The following DGKA variants were observed in gnomAD, a reference collection of about 807,000 sequenced individuals.
DGKA encodes 80 kDa diacylglycerol kinase.
In DGKA, 35 loss-of-function variants were observed where a neutral mutation model predicts 105.0. The observed-to-expected ratio is 0.33, with a 90% CI of 0.25 to 0.44. DGKA has a LOEUF of 0.44. DGKA is among the 20% of genes least tolerant of loss of function. The probability of loss-of-function intolerance (pLI) is 1.00; values close to 1 mark genes in which losing one functional copy is unlikely to be tolerated. For missense variants in DGKA, 665 were observed against 915.0 expected (o/e 0.73, Z 3.53); for synonymous variants, 296 against 332.0 (o/e 0.89, Z 1.18).
chr12:55,927,909 G>C, upstream of DGKA: 7 of 1,032,240 alleles, frequency 6.8e-6, 2 homozygotes, highest in South Asian at 1.2e-4. Flanking sequence ...CCTCGGGCTG[G>C]GCCCTAGGGT....
At chr12:55,941,664 G>C in intron 15 of DGKA, 80 bp downstream of exon 15, 1 of 1,436,790 alleles carries the variant, frequency 7.0e-7, no homozygotes, top group Non-Finnish European at 9.8e-7. Flanking sequence ...GCAGGAAAGA[G>C]TGCAGATTGG....
At chr12:55,938,844 AT>A (rs1885308302) in intron 6 of DGKA, 70 bp from the exon 7 acceptor site, 1 of 1,594,502 alleles carries the variant, frequency 6.3e-7, no homozygotes, top group African/African-American at 1.3e-5. Context: ...AGGAACACTG[AT>A]TTCTGGAAAA....
At position 55,944,241 on chromosome 12, in the gene DGKA, A is replaced by G. The variant is rs113089836; in HGVS notation, c.1426+1978A>G. Among the ~76,000 whole-genome samples the G allele has an allele frequency of 4.3e-3, 653 of 152,280 alleles. 4 individuals are homozygous for G. Among genetic ancestry groups the G allele is most frequent in the African/African-American group, 0.015 (630 of 41,554 alleles). On this transcript the variant is annotated intron_variant, in intron 17 of 23. Transcript: ENST00000331886. ...CTTGAGCCCAGGAGTTTCAGGCTGC[A>G]ATGAGCTATGATTGGGCCACTGCAC...
In DGKA at chr12:55,937,057, G is replaced by C; in HGVS notation, c.105G>C (p.Glu35Asp). Residue 35 changes from glutamate to aspartate, a missense_variant, in exon 3 of 24, where the codon GAG becomes GAC. Glu to Asp is a conservative substitution (Grantham distance 45). Transcript: ENST00000331886. Reference protein sequence around the residue: ...KKVSDVLKLFEDGEMAKYVQG... With the variant: ...KKVSDVLKLFDDGEMAKYVQG... ...TCAGTGATGTCCTAAAGCTCTTCGA[G>C]GATGGCGAGATGGCTAAATATGTCC... 1 of 1,614,130 alleles carries C rather than the reference G, an allele frequency of 6.2e-7. No individual in the cohort carries two copies. The highest frequency in any genetic ancestry group is 8.5e-7 in the Non-Finnish European group (1 of 1,180,022).
At chr12:55,945,793 AT>A (rs34210000) in intron 17 of DGKA, among the ~76,000 whole-genome samples, 2,507 of 140,142 alleles carry the variant, frequency 0.018, 55 homozygotes, top group African/African-American at 0.053. Context: ...CAAAATCCTC[AT>A]TTTTTTTTTT....
rs755372080 is a variant in DGKA, at chr12:55,936,822, T to C, written c.65-195T>C. ...CCCACCTTCGCTATACCTGGACTGC[T>C]TGCTCCAGCTCTCAGAGAAGAGGAG... is the stretch of plus-strand genomic sequence containing the variant. On this transcript the variant is annotated intron_variant, in intron 2 of 23. Coordinates refer to ENST00000331886, the MANE Select transcript of DGKA (RefSeq NM_001345.5). 9 of 797,576 alleles carry C rather than the reference T, an allele frequency of 1.1e-5. No individual in the cohort carries two copies. In the Admixed American group the frequency reaches 1.5e-4, roughly 14 times the overall value. 49.4% of individuals were successfully genotyped at this position (797,576 alleles called of 1,614,324 possible).
chr12:55,953,541 T>C, intron 23 of DGKA, 131 bp downstream of exon 23: 2 of 1,339,586 alleles, frequency 1.5e-6, no homozygotes, highest in Non-Finnish European at 2.1e-6. Context: ...TAAACCCTGA[T>C]TTCTCAGCCC....
At chr12:55,938,141 C>T (rs1488604663) in intron 5 of DGKA, 89 bp downstream of exon 5, 4 of 1,250,524 alleles carry the variant, frequency 3.2e-6, no homozygotes, top group Non-Finnish European at 4.6e-6. Flanking sequence ...CTTCAGGATT[C>T]CTAAAGGCTG....
Position 55,940,440 on chromosome 12 carries a change from T to G in DGKA, c.918+7T>G. On this transcript the variant is annotated splice_region_variant and intron_variant, in intron 11 of 23. Coordinates refer to ENST00000331886, the MANE Select transcript of DGKA (RefSeq NM_001345.5). This position sits in a 1 kb window ranked among gnomAD's most constrained non-coding sequence, Gnocchi z 4.3. ...TGTATGGTGCCACCTAGAGGTCAGT[T>G]TGGGAGCCATCCCTTCTGGGTGCGT... is the stretch of plus-strand genomic sequence containing the variant. The G allele has an allele frequency of 1.2e-6, 2 of 1,613,882 alleles. No individual in the cohort carries two copies. Among genetic ancestry groups the G allele is most frequent in the Non-Finnish European group, 1.7e-6 (2 of 1,179,900 alleles).
rs1565746950 is a variant in DGKA, at chr12:55,941,999, C to A, written c.1252C>A (p.Leu418Ile). ...TATTCTCTCTCCCCTTTGTCTCAGG[C>A]TCCGATTATTCAAGGATGTTCCTGA... The part of the protein sequence containing the change: ...NLLKDGPEIG[L>I]RLFKDVPDSR... Residue 418 changes from leucine to isoleucine, a missense_variant and splice_region_variant, in exon 16 of 24, where the codon CTC becomes ATC. By Grantham distance (5) the Leu-to-Ile change is conservative. Around this residue, in one of 3 missense-constraint regions of DGKA, gnomAD observed 504 missense variants for 681.2 expected, o/e 0.74. Coordinates refer to ENST00000331886, the MANE Select transcript of DGKA (RefSeq NM_001345.5). 1 of 1,614,132 alleles carries A rather than the reference C, an allele frequency of 6.2e-7. No homozygotes were observed. The highest frequency in any genetic ancestry group is 8.5e-7 in the Non-Finnish European group (1 of 1,180,004).
In DGKA at chr12:55,940,111, G is replaced by A. The variant is rs939911775; in HGVS notation, c.739G>A (p.Ala247Thr). 3 of 1,614,122 alleles carry A rather than the reference G, an allele frequency of 1.9e-6. No homozygotes were observed. The highest frequency in any genetic ancestry group is 2.5e-6 in the Non-Finnish European group (3 of 1,180,052). The change falls in exon 10 of 24, where the codon GCC (alanine) becomes ACC (threonine). Residue 247 changes from alanine to threonine, a missense_variant. By Grantham distance (58) the Ala-to-Thr change is moderately conservative. Around this residue, in one of 3 missense-constraint regions of DGKA, gnomAD observed 504 missense variants for 681.2 expected, o/e 0.74. Transcript: ENST00000331886. The surrounding 1 kb of genome is among the most constrained non-coding windows in gnomAD (Gnocchi z 4.3). ...TAAGTACACTGTTCACGACCAGTGT[G>A]CCATGAAAGCCCTGCCTTGTGAAGT... The part of the protein sequence containing the change: ...LCKYTVHDQC[A>T]MKALPCEVST...
Position 55,952,902 on chromosome 12 carries a change from G to A in DGKA, c.1912G>A (p.Asp638Asn), listed in dbSNP as rs1478397652. 11 of 1,614,038 alleles carry A rather than the reference G, an allele frequency of 6.8e-6. No individual in the cohort carries two copies. Among genetic ancestry groups the A allele is most frequent in the East Asian group, 2.2e-5 (1 of 44,904 alleles). ...AGGTGCTACAGCTAAAGTCATCACC[G>A]ACCCTGATATCCTGAAAACCTGTGT... The part of the protein sequence containing the change: ...ALGATAKVIT[D>N]PDILKTCVPD... The change falls in exon 21 of 24, where the codon GAC becomes AAC. Residue 638 changes from aspartate to asparagine, a missense_variant. This residue lies in a region of DGKA where 158 missense variants were observed against 213.4 expected (regional missense o/e 0.74). Coordinates refer to ENST00000331886, the MANE Select transcript of DGKA (RefSeq NM_001345.5). The surrounding 1 kb of genome is among the most constrained non-coding windows in gnomAD (Gnocchi z 5.1).
chr12:55,948,350 G>C lies in DGKA; in HGVS notation c.1427-3273G>C, dbSNP rs1592732145. Among the ~76,000 whole-genome samples the C allele has an allele frequency of 1.3e-5, 2 of 150,918 alleles. 1 individual carries two copies. Among genetic ancestry groups the C allele is most frequent in the Middle Eastern group, 6.9e-3 (2 of 288 alleles). On this transcript the variant is annotated intron_variant, in intron 17 of 23. Transcript: ENST00000331886. ...CAGGAGGCGGAGGTTGCAGTGAGCC[G>C]AGATCATGCCACTGCACTTCAGCCT...
At chr12:55,946,144 TCA>T in intron 17 of DGKA, among the ~76,000 whole-genome samples, 1 of 151,546 alleles carries the variant, frequency 6.6e-6, no homozygotes. Context: ...AAGGTAACAT[TCA>T]CAGTTTCTTT....
chr12:55,939,255 C>T lies in DGKA; in HGVS notation c.544C>T (p.Arg182Trp), dbSNP rs757910033. 3.7e-6 allele frequency: 6 copies of T among 1,614,078 alleles called. No individual in the cohort carries two copies. Among genetic ancestry groups the T allele is most frequent in the South Asian group, 1.1e-5 (1 of 91,076 alleles). ...CTCTGTCTCTCAAGCTGAGTGGGTC[C>T]GGGCTGGGGCCACCACCGTGCCACT... ...SGSVSQAEWV[R>W]AGATTVPLLV... is the part of the protein sequence containing the mutation. The change falls in exon 8 of 24, where the codon CGG becomes TGG. Residue 182 changes from arginine to tryptophan, a missense_variant. Transcript: ENST00000331886.
rs370446723 is a variant in DGKA at position 55,937,018 on chromosome 12, C to T, written c.66C>T (p.Tyr22=). Residue 22 remains tyrosine (Y), a splice_region_variant and synonymous_variant, in exon 3 of 24, where the codon TAC becomes TAT. Transcript: ENST00000331886. ...DFAQLQKYME[Y]STKKVSDVLK... is the part of the protein sequence containing the mutation. ...TCTCTTACTCTCTCTACACCCTAGA[C>T]TCCACCAAAAAGGTCAGTGATGTCC... The T allele has an allele frequency of 6.2e-7, 1 of 1,614,086 alleles. No individual in the cohort carries two copies. The highest frequency in any genetic ancestry group is 8.5e-7 in the Non-Finnish European group (1 of 1,179,932).
rs1286408381 is a variant in DGKA at position 55,946,900 on chromosome 12, T to C, written c.1426+4637T>C. Among the ~76,000 whole-genome samples the C allele has an allele frequency of 1.1e-4, 16 of 152,000 alleles. 1 individual carries two copies. Among genetic ancestry groups the C allele is most frequent in the Admixed American group, 1.0e-3 (16 of 15,248 alleles). On this transcript the variant is annotated intron_variant, in intron 17 of 23. Transcript: ENST00000331886. ...TCAGCAGGGTGGGATGGGCAAAAGG[T>C]AAATTACAGTGGATTGAACCCTCAG...
chr12:55,927,636 C>G (rs1417492022), upstream of DGKA: 1 of 1,492,346 alleles, frequency 6.7e-7, no homozygotes, highest in Non-Finnish European at 9.0e-7. Flanking sequence ...AGGTCGAATT[C>G]GTGTGCCGAT....
rs1248192464 is a variant in DGKA at position 55,936,497 on chromosome 12, T to C, written c.-7T>C. ...CCTTTCTGGCCATCCTTGAGAAAAATAGACAGATGGCCAAGGAGAGGGGCC... is the reference window on the plus strand; with the variant it reads ...CCTTTCTGGCCATCCTTGAGAAAAACAGACAGATGGCCAAGGAGAGGGGCC... On this transcript the variant is annotated 5_prime_UTR_variant, in exon 2 of 24. Coordinates refer to ENST00000331886, the MANE Select transcript of DGKA (RefSeq NM_001345.5). The C allele has an allele frequency of 9.3e-6, 15 of 1,613,624 alleles. No homozygotes were observed. The highest frequency in any genetic ancestry group is 1.2e-5 in the Non-Finnish European group (14 of 1,179,700).
Sources: allele counts gnomAD v4.1 joint callset (sites outside exome capture counted in the v4.1 genomes callset), GRCh38; gene constraint gnomAD v4.1.1; regional missense constraint gnomAD v4.1.1; non-coding constraint Gnocchi (gnomAD v3.1); transcripts MANE v1.5; gene names NCBI Gene and HGNC (gene_info 2026-07-23, HGNC 2026-07-21).